The following VBP1 variants were observed in gnomAD, a reference collection of about 807,000 sequenced individuals.
VBP1 encodes prefoldin subunit 3.
A neutral mutation model predicts 15.5 loss-of-function variants in VBP1; 4 were observed. The ratio of observed to expected loss-of-function variants is 0.26; its 90% CI spans 0.13 to 0.59. The LOEUF is 0.59. Among genes scored for constraint, VBP1 ranks in the 20% least tolerant of loss-of-function variants. VBP1 has a pLI of 0.90. For missense variants in VBP1, 108 were observed against 139.6 expected (o/e 0.77, Z 1.14); for synonymous variants, 61 against 52.1 (o/e 1.17, Z -0.74).
chrX:155,224,552 G>A (rs1009031823), intron 2 of VBP1, among the ~76,000 whole-genome samples: 5 of 112,201 alleles, frequency 4.5e-5, no homozygotes, highest in Non-Finnish European at 9.4e-5. Context: ...GATGGCGGCA[G>A]TACAGTCCAG....
chrX:155,228,312 A>G, intron 3 of VBP1, 72 bp from the exon 4 acceptor site: 1 of 812,559 alleles, frequency 1.2e-6, no homozygotes, highest in Non-Finnish European at 1.8e-6. Flanking sequence ...TCAACTGTGC[A>G]ATCTCTCCTT....
At position 155,236,357 on chromosome X, in the gene VBP1, C is replaced by G. The variant is rs782217249; in HGVS notation, c.513C>G (p.Thr171=). The G allele has an allele frequency of 5.8e-6, 7 of 1,203,286 alleles. No homozygotes were observed. The highest frequency in any genetic ancestry group is 4.5e-6 in the Non-Finnish European group (4 of 892,230). ...ACTTTCTTCGAGATCAATTTACTAC[C>G]ACAGAAGTCAGTATCCTTTCTTAAA... ...DLDFLRDQFT[T]TEVNMARVYN... is the part of the protein sequence containing the mutation. Residue 171 remains threonine (T), a synonymous_variant, in exon 5 of 6, where the codon ACC becomes ACG. Transcript: ENST00000286428.
At chrX:155,238,371 T>G (rs1557311830) in intron 5 of VBP1, among the ~76,000 whole-genome samples, 1 of 111,918 alleles carries the variant, frequency 8.9e-6, no homozygotes, top group South Asian at 3.7e-4. Flanking sequence ...GGGTAAGAGA[T>G]AAAATTATTG....
chrX:155,232,941 C>G (rs782330330), intron 4 of VBP1, among the ~76,000 whole-genome samples: 1 of 112,459 alleles, frequency 8.9e-6, no homozygotes, highest in Non-Finnish European at 1.9e-5. Context: ...TCATCATAGT[C>G]GAATGGATGA....
chrX:155,213,470 T>A (rs782764671), upstream of VBP1: 1 of 113,749 alleles, frequency 8.8e-6, no homozygotes, highest in South Asian at 3.6e-4. Context: ...GGTTCCCGGC[T>A]GTACAAATTT....
chrX:155,207,440 A>G (rs113650512), intron 1 of VBP1, among the ~76,000 whole-genome samples: 8 of 111,973 alleles, frequency 7.1e-5, no homozygotes, highest in African/African-American at 2.6e-4. Context: ...GAAGTAGACC[A>G]AGATCTTCAT....
chrX:155,208,584 C>T (rs1324662203), intron 1 of VBP1, among the ~76,000 whole-genome samples: 10 of 111,921 alleles, frequency 8.9e-5, no homozygotes, highest in Non-Finnish European at 1.9e-4. Context: ...TGAAAAGAGT[C>T]ATTTGTAGGC....
chrX:155,229,090 A>G (rs1186795601), intron 4 of VBP1, among the ~76,000 whole-genome samples: 2 of 111,834 alleles, frequency 1.8e-5, no homozygotes, highest in Admixed American at 9.5e-5. Context: ...GTAGCAAGCC[A>G]AGTGTACTTC....
At chrX:155,232,082 C>T (rs1413717567) in intron 4 of VBP1, among the ~76,000 whole-genome samples, 1 of 111,571 alleles carries the variant, frequency 9.0e-6, no homozygotes, top group Non-Finnish European at 1.9e-5. Context: ...AACAGTCTCA[C>T]CCACATTTTT....
At chrX:155,211,377 A>G (rs782014025) in intron 2 of VBP1, among the ~76,000 whole-genome samples, 2 of 112,450 alleles carry the variant, frequency 1.8e-5, no homozygotes, top group African/African-American at 3.2e-5. Context: ...TCAATAAATA[A>G]TGATCAAGCA....
chrX:155,197,998 C>T (rs1557306874), intron 1 of VBP1, among the ~76,000 whole-genome samples: 2 of 112,220 alleles, frequency 1.8e-5, no homozygotes, highest in African/African-American at 3.2e-5. Context: ...CACAGAATCT[C>T]GCTGATTGCT....
At position 155,220,206 on chromosome X, in the gene VBP1, A is replaced by T; in HGVS notation, c.117A>T (p.Lys39Asn). The change falls in exon 2 of 6, where the codon AAA (lysine) becomes AAT (asparagine). Residue 39 changes from lysine (K) to asparagine (N), a missense_variant. Coordinates refer to ENST00000286428, the MANE Select transcript of VBP1 (RefSeq NM_003372.7). ...AGGAAGATGTAGATTCCTTCATGAAACAGCCTGGGAATGAGACTGCAGATA... is the reference window on the plus strand; with the variant it reads ...AGGAAGATGTAGATTCCTTCATGAATCAGCCTGGGAATGAGACTGCAGATA... The part of the protein sequence containing the change: ...VFVEDVDSFM[K>N]QPGNETADTV... 1 of 1,199,130 alleles carries T rather than the reference A, an allele frequency of 8.3e-7. No individual in the cohort carries two copies. Among genetic ancestry groups the T allele is most frequent in the African/African-American group, 1.7e-5 (1 of 57,260 alleles).
At chrX:155,231,193 C>G (rs909761947) in intron 4 of VBP1, among the ~76,000 whole-genome samples, 5 of 112,157 alleles carry the variant, frequency 4.5e-5, no homozygotes, top group Non-Finnish European at 7.5e-5. Context: ...ACAGAGGTGT[C>G]CTTTCCACAG....
intron 1 of VBP1, among the ~76,000 whole-genome samples, chrX:155,198,457 T>G (rs1557306954): frequency 9.0e-6 from 1 of 111,603 alleles, no homozygotes; most frequent in African/African-American, 3.2e-5. Context: ...TTCATGAAAA[T>G]CCGCTGTTCT....
chrX:155,214,768 C>CTTTTTTTTTTTTTT (rs782556765), upstream of VBP1, among the ~76,000 whole-genome samples: 17,369 of 80,789 alleles, frequency 0.21, 2,048 homozygotes, highest in African/African-American at 0.39. Context: ...TTTTCTTTTC[C>CTTTTTTTTTTTTTT]TTTTTTTTTT....
intron 1 of VBP1, among the ~76,000 whole-genome samples, chrX:155,200,194 G>A (rs1270967469): frequency 9.4e-6 from 1 of 106,633 alleles, no homozygotes; most frequent in Non-Finnish European, 1.9e-5. Flanking sequence ...ACATTAGGCA[G>A]ATCAACGAGA....
At chrX:155,235,562 C>A (rs1472098460) in intron 4 of VBP1, among the ~76,000 whole-genome samples, 11 of 111,611 alleles carry the variant, frequency 9.9e-5, no homozygotes, top group African/African-American at 3.6e-4. Context: ...TTGGCAGTAA[C>A]ACTAGATCTT....
intron 1 of VBP1, 73 bp from the exon 2 acceptor site, chrX:155,220,110 A>G (rs1193358139): frequency 2.9e-6 from 3 of 1,021,958 alleles, no homozygotes; most frequent in Non-Finnish European, 2.6e-6. Flanking sequence ...TCTATGTTTT[A>G]AAAACAAAGC....
chrX:155,201,295 G>A (rs782205193), intron 1 of VBP1, among the ~76,000 whole-genome samples: 2 of 108,700 alleles, frequency 1.8e-5, no homozygotes, highest in Non-Finnish European at 3.8e-5. Flanking sequence ...AAGCCGGGCA[G>A]AGACACAACA....
Sources: allele counts gnomAD v4.1 joint callset (sites outside exome capture counted in the v4.1 genomes callset), GRCh38; gene constraint gnomAD v4.1.1; transcripts MANE v1.5; gene names NCBI Gene and HGNC (gene_info 2026-07-23, HGNC 2026-07-21).